Variants in PXDNL observed in about 807,000 individuals in gnomAD.
PXDNL encodes peroxidasin like, also known as probable oxidoreductase PXDNL.
A neutral mutation model predicts 150.8 loss-of-function variants in PXDNL; 145 were observed. The ratio of observed to expected loss-of-function variants is 0.96; its 90% CI spans 0.84 to 1.10. The LOEUF (loss-of-function observed/expected upper bound fraction) is 1.10, where lower values mean the gene tolerates loss of function less well. PXDNL is among the 50% of genes least tolerant of loss of function. The pLI, the probability that PXDNL is intolerant of heterozygous loss-of-function variation, is 0.00. For missense variants in PXDNL, 2,087 were observed against 1,873.9 expected (o/e 1.11, Z -2.10); for synonymous variants, 757 against 725.7 (o/e 1.04, Z -0.69).
chr8:51,339,558 A>G lies in PXDNL; in HGVS notation c.4146+66T>C, dbSNP rs927054702. ...CTGTAATTGTGGAGAGTTACTGGAC[A>G]AATCTTTTATGTTTAGTTATTCCAA... On this transcript the variant is annotated intron_variant, in intron 21 of 22. Coordinates refer to ENST00000356297, the MANE Select transcript of PXDNL (RefSeq NM_144651.5). 1.8e-5 allele frequency: 27 copies of G among 1,496,634 alleles called. No individual in the cohort carries two copies. In the East Asian group the frequency reaches 6.2e-4, roughly 34 times the overall value. The allele number at this position is 1,496,634 out of a possible 1,614,324, so 92.7% of individuals were successfully genotyped here.
At chr8:51,349,280 T>C (rs978755329) in intron 19 of PXDNL, among the ~76,000 whole-genome samples, 10 of 152,154 alleles carry the variant, frequency 6.6e-5, no homozygotes, top group Admixed American at 2.6e-4. Flanking sequence ...AGATTCTTAG[T>C]GGGTGAAACA....
At chr8:51,636,807 T>C (rs1814612854) in intron 2 of PXDNL, among the ~76,000 whole-genome samples, 3 of 152,086 alleles carry the variant, frequency 2.0e-5, no homozygotes, top group Admixed American at 1.3e-4. Context: ...ATGACTTTTT[T>C]TTTTTTTCTG....
intron 16 of PXDNL, 127 bp downstream of exon 16, chr8:51,411,123 G>T: frequency 1.3e-6 from 1 of 744,522 alleles, no homozygotes; most frequent in Non-Finnish European, 1.9e-6. Context: ...TTTGGTAAAA[G>T]TAGTGAGTAA....
chr8:51,508,472 C>A (rs1811337985), intron 4 of PXDNL, among the ~76,000 whole-genome samples: 1 of 152,194 alleles, frequency 6.6e-6, no homozygotes, highest in African/African-American at 2.4e-5. Flanking sequence ...GTTAGTCCCT[C>A]TCCCTGCCAT....
At chr8:51,561,127 G>A (rs1259518253) in intron 3 of PXDNL, among the ~76,000 whole-genome samples, 5 of 151,944 alleles carry the variant, frequency 3.3e-5, no homozygotes, top group African/African-American at 7.2e-5. Context: ...TGAGGATGTG[G>A]AGAAATAAGA....
At chr8:51,409,735 A>G (rs1225900265) in intron 16 of PXDNL, among the ~76,000 whole-genome samples, 174 bp from the exon 17 acceptor site, 1 of 145,596 alleles carries the variant, frequency 6.9e-6, no homozygotes, top group Non-Finnish European at 1.5e-5. Context: ...GGATCATTCT[A>G]TAACACTAAA....
At chr8:51,457,310 A>C (rs1809958372) in intron 9 of PXDNL, among the ~76,000 whole-genome samples, 188 bp downstream of exon 9, 1 of 152,240 alleles carries the variant, frequency 6.6e-6, no homozygotes, top group African/African-American at 2.4e-5. Context: ...GCTGTACCAG[A>C]AAGGAACTAA....
intron 1 of PXDNL, among the ~76,000 whole-genome samples, chr8:51,674,264 C>T (rs1452135686): frequency 6.6e-6 from 1 of 152,152 alleles, no homozygotes; most frequent in Non-Finnish European, 1.5e-5. Flanking sequence ...TGCTCAGTGA[C>T]ACATGAAACT....
chr8:51,802,137 T>C (rs1044646266), intron 1 of PXDNL, among the ~76,000 whole-genome samples: 9 of 152,160 alleles, frequency 5.9e-5, no homozygotes, highest in Non-Finnish European at 1.2e-4. Flanking sequence ...GACAGGAATT[T>C]TTTTAAGTAT....
chr8:51,561,309 C>T (rs1467249384), intron 3 of PXDNL, among the ~76,000 whole-genome samples: 1 of 151,840 alleles, frequency 6.6e-6, no homozygotes, highest in African/African-American at 2.4e-5. Flanking sequence ...ACACATGTTC[C>T]ACACCAGCAC....
intron 1 of PXDNL, among the ~76,000 whole-genome samples, chr8:51,689,984 T>C (rs1815956340): frequency 6.6e-6 from 1 of 152,204 alleles, no homozygotes; most frequent in East Asian, 1.9e-4. Context: ...ATAAAGACTA[T>C]ATCAGACTCT....
intron 2 of PXDNL, among the ~76,000 whole-genome samples, chr8:51,632,056 C>A (rs1339498551): frequency 1.3e-5 from 2 of 151,864 alleles, no homozygotes; most frequent in Non-Finnish European, 2.9e-5. Context: ...CAGAGAGCAG[C>A]AGAATGACTT....
chr8:51,545,900 C>T (rs1369212729), intron 4 of PXDNL, among the ~76,000 whole-genome samples: 1 of 152,202 alleles, frequency 6.6e-6, no homozygotes, highest in Non-Finnish European at 1.5e-5. Flanking sequence ...TTATTTTCAT[C>T]TCTATAGCCT....
chr8:51,694,314 G>A (rs943740065), intron 1 of PXDNL, among the ~76,000 whole-genome samples: 1 of 152,236 alleles, frequency 6.6e-6, no homozygotes, highest in South Asian at 2.1e-4. Flanking sequence ...ACTGAGCCAA[G>A]ATGGTGCTAC....
rs72638018 is a variant in PXDNL at position 51,440,797 on chromosome 8, A to C, written c.1525+6207T>G. On this transcript the variant is annotated intron_variant, in intron 12 of 22. Transcript: ENST00000356297. ...TTAAGGGGGCTTTTCCAGCTGTCTT[A>C]GTGTTGCTGCTAGGGCCTATGGCAC... 4.2e-3 allele frequency among the ~76,000 whole-genome samples: 636 copies of C among 152,276 alleles called. 4 individuals are homozygous for C. The highest frequency in any genetic ancestry group is 7.4e-3 in the Non-Finnish European group (504 of 68,014).
intron 1 of PXDNL, among the ~76,000 whole-genome samples, chr8:51,762,453 T>G (rs748635745): frequency 6.6e-6 from 1 of 152,226 alleles, no homozygotes; most frequent in African/African-American, 2.4e-5. Flanking sequence ...CACAACCTGC[T>G]GCTCTCTCTG....
intron 21 of PXDNL, among the ~76,000 whole-genome samples, chr8:51,332,127 G>T (rs115377724): frequency 0.034 from 5,234 of 152,224 alleles, 176 homozygotes; most frequent in African/African-American, 0.084. Context: ...ATGGCTGAGA[G>T]ACCCATAGAG....
chr8:51,356,205 C>A (rs970466895), intron 19 of PXDNL, among the ~76,000 whole-genome samples: 2 of 152,170 alleles, frequency 1.3e-5, no homozygotes, highest in African/African-American at 4.8e-5. Flanking sequence ...AAATCTATAA[C>A]TGGCTGGGTG....
At chr8:51,382,905 G>A (rs1209893164) in intron 17 of PXDNL, among the ~76,000 whole-genome samples, 1 of 152,054 alleles carries the variant, frequency 6.6e-6, no homozygotes, top group Non-Finnish European at 1.5e-5. Context: ...GTTAATTTCA[G>A]TTCTTCATCA....
Sources: allele counts gnomAD v4.1 joint callset (sites outside exome capture counted in the v4.1 genomes callset), GRCh38; gene constraint gnomAD v4.1.1; transcripts MANE v1.5; gene names NCBI Gene and HGNC (gene_info 2026-07-23, HGNC 2026-07-21).